The following DCLK2 variants were observed in gnomAD, a reference collection of about 807,000 sequenced individuals.
DCLK2 encodes doublecortin like kinase 2.
A neutral mutation model predicts 78.4 loss-of-function variants in DCLK2; 31 were observed. The observed-to-expected ratio is 0.40, with a 90% confidence interval of 0.30 to 0.53. The LOEUF (loss-of-function observed/expected upper bound fraction) is 0.53. DCLK2 is among the 20% of genes least tolerant of loss of function. DCLK2 has a pLI of 0.61. For synonymous variants in DCLK2, 407 were observed against 374.9 expected (o/e 1.09, Z -0.99); for missense variants, 872 against 973.7 (o/e 0.90, Z 1.39).
intron 2 of DCLK2, among the ~76,000 whole-genome samples, chr4:150,167,129 G>C (rs563965480): frequency 6.6e-6 from 1 of 151,984 alleles, no homozygotes; most frequent in East Asian, 1.9e-4. Context: ...AGTTTAGAAT[G>C]TGCTTTCCTG....
intron 1 of DCLK2, among the ~76,000 whole-genome samples, chr4:150,096,743 A>G (rs1355522336): frequency 2.0e-5 from 3 of 152,214 alleles, no homozygotes; most frequent in Non-Finnish European, 4.4e-5. Context: ...GGTAAGAAGT[A>G]CTTGGGAACT....
In DCLK2 at chr4:150,190,235, TTAGATAGATAGATAGATAGATAGATAGA is replaced by T. The variant is rs35680371; in HGVS notation, c.757-2867_757-2840del. On this transcript the variant is annotated intron_variant, in intron 2 of 15. Transcript: ENST00000296550. Reference sequence around the variant, plus strand: ...GATAGATAGATGGATAGATGGATAGTTAGATAGATAGATAGATAGATAGATAGATAGATAGATAGATAGATAGATAGAT... The same window carrying T: ...GATAGATAGATGGATAGATGGATAGTTAGATAGATAGATAGATAGATAGAT... Among the ~76,000 whole-genome samples the T allele has an allele frequency of 5.3e-3, 610 of 115,558 alleles. 4 individuals carry two copies. Among genetic ancestry groups the T allele is most frequent in the East Asian group, 0.035 (156 of 4,460 alleles). The allele number at this position is 115,558 out of a possible 152,430, so 75.8% of individuals were successfully genotyped here.
chr4:150,118,203 A>G (rs768883791), intron 2 of DCLK2, among the ~76,000 whole-genome samples: 2 of 152,138 alleles, frequency 1.3e-5, no homozygotes, highest in Admixed American at 6.5e-5. Context: ...GCTCTGGGAG[A>G]TGCTTCAATG....
At chr4:150,253,425 G>T (rs370204849) in intron 15 of DCLK2, 2 of 1,289,400 alleles carry the variant, frequency 1.6e-6, no homozygotes. Context: ...GGTCCATAAA[G>T]GTGAAAAAAA....
At chr4:150,162,102 C>T (rs558450787) in intron 2 of DCLK2, among the ~76,000 whole-genome samples, 4 of 152,300 alleles carry the variant, frequency 2.6e-5, no homozygotes, top group African/African-American at 9.6e-5. Context: ...ACAAACATGG[C>T]TCACTGCAGC....
At chr4:150,081,496 TAAC>T (rs1184134991) in intron 1 of DCLK2, among the ~76,000 whole-genome samples, 1 of 151,502 alleles carries the variant, frequency 6.6e-6, no homozygotes, top group African/African-American at 2.4e-5. Context: ...ATAAATAATA[TAAC>T]AAATAGTTGC....
chr4:150,253,465 GTTTGACAGTTTGA>G, intron 15 of DCLK2: 4 of 1,289,536 alleles, frequency 3.1e-6, no homozygotes, highest in African/African-American at 1.5e-5. Context: ...TCTGCATTTT[GTTTGACAGTTTGA>G]TTTGACAGTT....
chr4:150,162,795 C>T (rs1735793070), intron 2 of DCLK2, among the ~76,000 whole-genome samples: 1 of 152,018 alleles, frequency 6.6e-6, no homozygotes, highest in African/African-American at 2.4e-5. Context: ...AAAGGCCTTC[C>T]TTGCTGTACG....
At chr4:150,110,900 A>G (rs1053114973) in intron 2 of DCLK2, among the ~76,000 whole-genome samples, 14 of 152,120 alleles carry the variant, frequency 9.2e-5, no homozygotes, top group African/African-American at 3.1e-4. Context: ...GGACACTTAG[A>G]TTGGTTCCAT....
rs1244697095 is a variant in DCLK2, at chr4:150,232,263, T to C, written c.1300-74T>C. ...TCAGATCCACAGGCTGTGTTTGTTT[T>C]GCTGTCCTCCAGGCCTTCGAGAGCA... is the stretch of plus-strand genomic sequence containing the variant. On this transcript the variant is annotated intron_variant, in intron 8 of 15. Coordinates refer to ENST00000296550, the MANE Select transcript of DCLK2 (RefSeq NM_001040260.4). 2.6e-6 allele frequency: 4 copies of C among 1,547,428 alleles called. No homozygotes were observed. In the African/African-American group the frequency reaches 5.5e-5, roughly 21 times the overall value.
rs1744408389 is a variant in DCLK2 at position 150,254,286 on chromosome 4, T to A, written c.2074-1734T>A. 1.8e-5 allele frequency: 7 copies of A among 394,838 alleles called. 1 individual carries two copies. The South Asian group carries it at 9.2e-4, about 52-fold the overall frequency. The allele number at this position is 394,838 out of a possible 1,614,324, so 24.5% of individuals were successfully genotyped here. A position where few individuals can be genotyped will look rare whatever the true frequency, so the allele number is the denominator to read the frequency against. On this transcript the variant is annotated intron_variant, in intron 15 of 15. Transcript: ENST00000296550. ...GTTTCAGGGGGAAGTTGGGGAAGGA[T>A]TTGGGTTTATTGCCTTAATTTAAGA...
At chr4:150,197,956 C>T (rs772539886) in intron 3 of DCLK2, 46 bp from the exon 4 acceptor site, 4 of 1,496,318 alleles carry the variant, frequency 2.7e-6, no homozygotes, top group Admixed American at 3.7e-5. Context: ...TGCTTTTGGT[C>T]GTTATTAAAA....
At chr4:150,112,069 A>G (rs1560781274) in intron 2 of DCLK2, among the ~76,000 whole-genome samples, 2 of 151,988 alleles carry the variant, frequency 1.3e-5, no homozygotes, top group South Asian at 2.1e-4. Context: ...TATGATCATT[A>G]TGATAATATT....
At chr4:150,152,788 T>C (rs1734990261) in intron 2 of DCLK2, among the ~76,000 whole-genome samples, 2 of 152,322 alleles carry the variant, frequency 1.3e-5, no homozygotes, top group South Asian at 4.1e-4. Context: ...TCCTACCTCT[T>C]TTATTTAAAA....
chr4:150,191,331 C>G (rs1738434034), intron 2 of DCLK2, among the ~76,000 whole-genome samples: 1 of 151,802 alleles, frequency 6.6e-6, no homozygotes, highest in Non-Finnish European at 1.5e-5. Context: ...CTGTGAGAGA[C>G]AGTATACCGA....
At chr4:150,132,733 T>C (rs1192087155) in intron 2 of DCLK2, among the ~76,000 whole-genome samples, 1 of 152,146 alleles carries the variant, frequency 6.6e-6, no homozygotes, top group Non-Finnish European at 1.5e-5. Context: ...GCTGGGACTA[T>C]AGGCACATGC....
chr4:150,218,457 C>G (rs895466037), intron 5 of DCLK2, among the ~76,000 whole-genome samples: 2 of 152,188 alleles, frequency 1.3e-5, no homozygotes, highest in Non-Finnish European at 2.9e-5. Flanking sequence ...TTCACTCAGA[C>G]AACACATCAG....
intron 2 of DCLK2, among the ~76,000 whole-genome samples, chr4:150,168,670 C>T (rs1736283575): frequency 6.6e-6 from 1 of 152,168 alleles, no homozygotes; most frequent in South Asian, 2.1e-4. Flanking sequence ...AATGTGTGGC[C>T]ACTATTGCAA....
intron 2 of DCLK2, among the ~76,000 whole-genome samples, chr4:150,129,583 G>A (rs894156555): frequency 6.6e-6 from 1 of 151,804 alleles, no homozygotes; most frequent in Non-Finnish European, 1.5e-5. Context: ...AGCTGGGTGT[G>A]GTGGCACGTG....
Sources: gnomAD v4.1 joint callset for allele counts (sites outside exome capture counted in the v4.1 genomes callset) on GRCh38, gnomAD v4.1.1 for gene constraint, MANE v1.5 for transcripts, NCBI Gene and HGNC (gene_info 2026-07-23, HGNC 2026-07-21) for gene names.